NHEJ1: variants seen among roughly 807,000 people sequenced by gnomAD.
The protein encoded by NHEJ1 is non-homologous end-joining factor 1.
NHEJ1 carries 22 observed loss-of-function variants against 39.4 expected under a neutral mutation model. The ratio of observed to expected loss-of-function variants is 0.56; its 90% confidence interval spans 0.40 to 0.80. NHEJ1 has a LOEUF of 0.80. Among genes scored for constraint, NHEJ1 ranks in the 30% least tolerant of loss-of-function variants. The pLI is 0.00. For synonymous variants in NHEJ1, 154 were observed against 135.6 expected, an observed-to-expected ratio of 1.14 and a Z score of -0.94; for missense variants, 329 against 357.1, an observed-to-expected ratio of 0.92 and a Z score of 0.63.
intron 5 of NHEJ1, among the ~76,000 whole-genome samples, chr2:219,123,909 A>ATCC (rs1949493340): frequency 2.6e-5 from 4 of 152,218 alleles, no homozygotes; most frequent in Admixed American, 1.3e-4. Flanking sequence ...ATGTAGCTCT[A>ATCC]ATAAAAAGAA....
intron 5 of NHEJ1, among the ~76,000 whole-genome samples, chr2:219,133,446 A>G (rs1949597450): frequency 6.6e-6 from 1 of 152,232 alleles, no homozygotes; most frequent in African/African-American, 2.4e-5. Context: ...TCCTGTCTAC[A>G]AGGCCCTGAG....
intron 5 of NHEJ1, among the ~76,000 whole-genome samples, chr2:219,103,187 C>T (rs1213195672): frequency 6.7e-6 from 1 of 148,686 alleles, no homozygotes; most frequent in Non-Finnish European, 1.5e-5. Flanking sequence ...AAAAAAAAAA[C>T]TGAAAACTGT....
rs769410163 is a variant in NHEJ1 at position 219,077,296 on chromosome 2, G to A, written c.775C>T (p.Gln259Ter). 3 of 1,613,950 alleles carry A rather than the reference G, an allele frequency of 1.9e-6. No homozygotes were observed. The highest frequency in any genetic ancestry group is 2.2e-5 in the South Asian group (2 of 91,080). ...AGGGTTGGGGCTGAGGAGACCAGTT[G>A]TTCTGGCTGGTTTACACATTGGCTA... is the stretch of plus-strand genomic sequence containing the variant. ...IDSQCVNQPE[Q>*]LVSSAPTLSA... is the part of the protein sequence containing the mutation. The change falls in exon 7 of 8, where the codon CAA (glutamine) becomes TAA (stop). Residue 259 changes from glutamine to a stop codon, truncating the protein, a stop_gained. Coordinates refer to ENST00000356853, the MANE Select transcript of NHEJ1 (RefSeq NM_024782.3). LOFTEE classifies it high-confidence loss of function.
chr2:219,148,400 T>A (rs750928544), intron 3 of NHEJ1, among the ~76,000 whole-genome samples: 12 of 151,870 alleles, frequency 7.9e-5, no homozygotes, highest in South Asian at 2.1e-4. Flanking sequence ...CAAAAAAAAA[T>A]TTTTTAACAT....
chr2:219,142,649 G>C (rs1559201067), intron 5 of NHEJ1, among the ~76,000 whole-genome samples: 2 of 152,230 alleles, frequency 1.3e-5, no homozygotes, highest in South Asian at 4.1e-4. Context: ...GACTGAGAGT[G>C]GGCTCTGCCC....
chr2:219,159,550 TGC>T (rs72349421), intron 1 of NHEJ1, among the ~76,000 whole-genome samples: 5,258 of 23,798 alleles, frequency 0.22, 599 homozygotes, highest in Non-Finnish European at 0.39. Flanking sequence ...TATATATATA[TGC>T]ATATATATAT....
At chr2:219,105,258 A>G (rs1422661108) in intron 5 of NHEJ1, among the ~76,000 whole-genome samples, 1 of 152,214 alleles carries the variant, frequency 6.6e-6, no homozygotes, top group African/African-American at 2.4e-5. Flanking sequence ...AGGTTTGTGC[A>G]GAATCTGGTC....
chr2:219,085,837 C>A (rs1342067093), intron 5 of NHEJ1, among the ~76,000 whole-genome samples: 1 of 152,006 alleles, frequency 6.6e-6, no homozygotes, highest in Non-Finnish European at 1.5e-5. Context: ...TTGTGGCCTC[C>A]CTTCAAAATG....
In NHEJ1 at chr2:219,089,801, C is replaced by T. The variant is rs144596230; in HGVS notation, c.589-11595G>A. Among the ~76,000 whole-genome samples the T allele has an allele frequency of 8.4e-3, 1,284 of 152,280 alleles. 26 individuals are homozygous for T. The highest frequency in any genetic ancestry group is 0.029 in the African/African-American group (1,193 of 41,538). On this transcript the variant is annotated intron_variant, in intron 5 of 7. Transcript: ENST00000356853. ...TTTTAAAATAGATAAAGTCTCTATT[C>T]TCCCCATCTTTTTTGCCTATTCTCC...
chr2:219,088,899 G>A lies in NHEJ1; in HGVS notation c.589-10693C>T, dbSNP rs189023009. On this transcript the variant is annotated intron_variant, in intron 5 of 7. Transcript: ENST00000356853. ...GTGATCTCAGCTCACCACAAGCTCC[G>A]CCTCCCAGGTTCATGCCATTCTCCT... 5.6e-3 allele frequency among the ~76,000 whole-genome samples: 855 copies of A among 152,186 alleles called. 6 individuals are homozygous for A. Among genetic ancestry groups the A allele is most frequent in the Non-Finnish European group, 9.7e-3 (658 of 67,994 alleles).
chr2:219,117,055 G>A (rs1320072859), intron 5 of NHEJ1, among the ~76,000 whole-genome samples: 1 of 152,030 alleles, frequency 6.6e-6, no homozygotes, highest in East Asian at 1.9e-4. Flanking sequence ...CCAACACAAA[G>A]TTAATTCCTA....
intron 5 of NHEJ1, among the ~76,000 whole-genome samples, chr2:219,092,603 A>T (rs1015102867): frequency 2.0e-5 from 3 of 152,254 alleles, no homozygotes; most frequent in African/African-American, 7.2e-5. Context: ...TTTCAGTTAC[A>T]GGTTAATGAA....
Position 219,082,091 on chromosome 2 carries a change from T to C in NHEJ1, c.589-3885A>G, listed in dbSNP as rs1042011729. ...GATGGAACAATGAGGAATCCAGAGC[T>C]GCTTCCAGGCTTCCCTTTTTAGACT... On this transcript the variant is annotated intron_variant, in intron 5 of 7. Transcript: ENST00000356853. Among the ~76,000 whole-genome samples, 6 of 152,256 alleles carry C rather than the reference T, an allele frequency of 3.9e-5. 1 individual carries two copies. Among genetic ancestry groups the C allele is most frequent in the South Asian group, 4.1e-4 (2 of 4,834 alleles).
chr2:219,130,964 T>C (rs1489852743), intron 5 of NHEJ1, among the ~76,000 whole-genome samples: 1 of 152,010 alleles, frequency 6.6e-6, no homozygotes, highest in Non-Finnish European at 1.5e-5. Context: ...TGGTGGTACA[T>C]GCCTATTGTC....
rs1949744713 is a variant in NHEJ1, at chr2:219,146,722, T to A, written c.546A>T (p.Glu182Asp). The change falls in exon 5 of 8, where the codon GAA (glutamate) becomes GAT (aspartate). Residue 182 changes from glutamate to aspartate, a missense_variant. Physicochemically the swap from Glu to Asp is conservative, Grantham distance 45. Coordinates refer to ENST00000356853, the MANE Select transcript of NHEJ1 (RefSeq NM_024782.3). ...ATLIRDRLKTEPFEENSFLEQ... is the reference protein window; with the variant it reads ...ATLIRDRLKTDPFEENSFLEQ... The stretch of plus-strand genomic sequence containing the variant: ...CCAAGAAGGAATTTTCTTCAAATGG[T>A]TCTGTCTTCAATCGATCTGTAATAA... 2 of 1,611,116 alleles carry A rather than the reference T, an allele frequency of 1.2e-6. No individual in the cohort carries two copies. Among genetic ancestry groups the A allele is most frequent in the Non-Finnish European group, 1.7e-6 (2 of 1,177,350 alleles).
At chr2:219,089,602 C>CA (rs1169313903) in intron 5 of NHEJ1, among the ~76,000 whole-genome samples, 2 of 152,046 alleles carry the variant, frequency 1.3e-5, no homozygotes, top group East Asian at 3.9e-4. Context: ...AGAATGACTG[C>CA]AAATAGGTAT....
At chr2:219,155,982 G>C (rs1419766708) in intron 3 of NHEJ1, among the ~76,000 whole-genome samples, 2 of 150,808 alleles carry the variant, frequency 1.3e-5, no homozygotes. Flanking sequence ...GGGTGCGGTG[G>C]CTCACACCTG....
intron 5 of NHEJ1, among the ~76,000 whole-genome samples, chr2:219,126,073 A>T (rs1949511697): frequency 6.6e-6 from 1 of 152,172 alleles, no homozygotes; most frequent in Admixed American, 6.5e-5. Context: ...CATGGTCCTA[A>T]CATTTTTCCT....
intron 5 of NHEJ1, among the ~76,000 whole-genome samples, chr2:219,113,411 G>A (rs1280834285): frequency 2.0e-5 from 3 of 152,114 alleles, no homozygotes; most frequent in Admixed American, 6.5e-5. Flanking sequence ...TATCCTCCAG[G>A]TAGGGACCAG....
Sources: gnomAD v4.1 joint callset for allele counts (sites outside exome capture counted in the v4.1 genomes callset) on GRCh38, gnomAD v4.1.1 for gene constraint, MANE v1.5 for transcripts, NCBI Gene and HGNC (gene_info 2026-07-23, HGNC 2026-07-21) for gene names.